Variants in LUC7L2 observed in about 807,000 individuals in gnomAD.
LUC7L2 encodes putative RNA-binding protein Luc7-like 2.
A neutral mutation model predicts 52.8 loss-of-function variants in LUC7L2; 25 were observed. That is an observed-to-expected ratio of 0.47 (90% CI 0.34 to 0.66). The LOEUF (loss-of-function observed/expected upper bound fraction) is 0.66. Ranked by LOEUF, LUC7L2 falls within the 30% of genes least tolerant of loss-of-function variation. LUC7L2 has a pLI of 0.01. For synonymous variants in LUC7L2, 144 were observed against 160.9 expected, an observed-to-expected ratio of 0.89 and a Z score of 0.80; for missense variants, 328 against 497.8, an observed-to-expected ratio of 0.66 and a Z score of 3.25.
intron 1 of LUC7L2, among the ~76,000 whole-genome samples, chr7:139,363,628 C>T (rs1351473522): frequency 6.6e-6 from 1 of 152,074 alleles, no homozygotes; most frequent in African/African-American, 2.4e-5. Context: ...GTTTATGATT[C>T]ATTACGTTTT....
chr7:139,410,375 A>G (rs570111984), intron 7 of LUC7L2, among the ~76,000 whole-genome samples: 1 of 152,146 alleles, frequency 6.6e-6, no homozygotes, highest in Admixed American at 6.5e-5. Context: ...TTTACATTGA[A>G]CTTTGGTTAG....
At chr7:139,390,067 C>G (rs910889089) in intron 2 of LUC7L2, among the ~76,000 whole-genome samples, 19 of 152,076 alleles carry the variant, frequency 1.2e-4, no homozygotes, top group Non-Finnish European at 2.1e-4. Flanking sequence ...GTGGGAAGAT[C>G]ACTTAAGCCT....
intron 1 of LUC7L2, chr7:139,341,671 C>T (rs1359580564): frequency 1.4e-6 from 2 of 1,386,434 alleles, no homozygotes; most frequent in Non-Finnish European, 1.9e-6. Context: ...CAACCCAGGC[C>T]CTAGGCTCCA....
At chr7:139,386,624 T>C (rs1794210947) in intron 2 of LUC7L2, among the ~76,000 whole-genome samples, 1 of 150,848 alleles carries the variant, frequency 6.6e-6, no homozygotes, top group Non-Finnish European at 1.5e-5. Context: ...GCCAGGATGG[T>C]CTCGATCTCC....
intron 1 of LUC7L2, among the ~76,000 whole-genome samples, chr7:139,366,418 G>A (rs1359354719): frequency 6.6e-6 from 1 of 152,096 alleles, no homozygotes; most frequent in African/African-American, 2.4e-5. Flanking sequence ...AATATACCTG[G>A]CTGTTCTGTT....
At chr7:139,349,387 TG>T (rs1475487072) in intron 1 of LUC7L2, among the ~76,000 whole-genome samples, 1 of 152,224 alleles carries the variant, frequency 6.6e-6, no homozygotes, top group Non-Finnish European at 1.5e-5. Flanking sequence ...ATAACCAACC[TG>T]TACCTCCTAT....
chr7:139,361,569 A>G (rs1799886845), intron 1 of LUC7L2, among the ~76,000 whole-genome samples: 1 of 152,270 alleles, frequency 6.6e-6, no homozygotes, highest in Admixed American at 6.5e-5. Context: ...TGTAGAATAT[A>G]TAGACAAATA....
chr7:139,382,010 G>A (rs775807408), intron 2 of LUC7L2, among the ~76,000 whole-genome samples: 2 of 149,528 alleles, frequency 1.3e-5, no homozygotes, highest in Non-Finnish European at 3.0e-5. Context: ...TCAGCCTCCC[G>A]AGCAGCTGGG....
At chr7:139,375,722 G>A (rs373249957) in intron 1 of LUC7L2, 8 of 611,356 alleles carry the variant, frequency 1.3e-5, no homozygotes, top group Middle Eastern at 7.9e-4. Flanking sequence ...TTAACCTCTC[G>A]GGGCCTCAGT....
chr7:139,390,927 CCTT>C (rs1227951712), intron 2 of LUC7L2, among the ~76,000 whole-genome samples: 2 of 152,212 alleles, frequency 1.3e-5, no homozygotes, highest in African/African-American at 2.4e-5. Context: ...ACATCACCCT[CCTT>C]CTCAGATCTA....
chr7:139,342,190 C>G (rs1799013858), intron 1 of LUC7L2, among the ~76,000 whole-genome samples: 1 of 118,648 alleles, frequency 8.4e-6, no homozygotes, highest in African/African-American at 6.4e-5. Context: ...CACATGTGTC[C>G]TGTCCTTAAG....
chr7:139,422,046 C>T (rs1342585369), intron 9 of LUC7L2, 117 bp from the exon 10 acceptor site: 2 of 1,424,318 alleles, frequency 1.4e-6, no homozygotes, highest in Non-Finnish European at 1.8e-6. Context: ...ACTCCTCTGT[C>T]ATGGGTATAT....
At chr7:139,340,507 C>T (rs565810660) in exon 1 of LUC7L2, 3 of 398,560 alleles carry the variant, frequency 7.5e-6, no homozygotes, top group African/African-American at 4.1e-5. Context: ...AGCATCGGTG[C>T]AGTTTCGAGG....
chr7:139,371,524 T>G (rs1800449439), intron 1 of LUC7L2: 1 of 1,530,734 alleles, frequency 6.5e-7, no homozygotes, highest in Non-Finnish European at 8.8e-7. Flanking sequence ...TGATTTGGTT[T>G]CTTGTTTGTA....
intron 4 of LUC7L2, among the ~76,000 whole-genome samples, chr7:139,404,925 G>T (rs1161433610): frequency 6.6e-6 from 1 of 152,240 alleles, no homozygotes; most frequent in Non-Finnish European, 1.5e-5. Flanking sequence ...AGATCTGATG[G>T]ATTCCTGAAC....
intron 8 of LUC7L2, among the ~76,000 whole-genome samples, chr7:139,413,629 T>G (rs1479180281): frequency 2.0e-5 from 3 of 152,082 alleles, no homozygotes; most frequent in Admixed American, 2.0e-4. Context: ...AACACAAAAA[T>G]TAGCCGGGTG....
intron 5 of LUC7L2, 130 bp downstream of exon 5, chr7:139,405,917 G>A (rs558942485): frequency 8.4e-6 from 11 of 1,315,102 alleles, no homozygotes; most frequent in African/African-American, 4.6e-5. Context: ...TTGAACAGTT[G>A]TTAAAGAGAA....
intron 2 of LUC7L2, among the ~76,000 whole-genome samples, chr7:139,392,976 A>C (rs990026234): frequency 6.6e-6 from 1 of 151,926 alleles, no homozygotes; most frequent in Non-Finnish European, 1.5e-5. Flanking sequence ...ATTAAAAAAA[A>C]AATTTTAAGA....
intron 2 of LUC7L2, chr7:139,392,531 C>A: frequency 7.3e-6 from 2 of 274,298 alleles, no homozygotes; most frequent in South Asian, 3.0e-5. Context: ...ATGGAGAAGA[C>A]AAAATGCAGA....
Sources: gnomAD v4.1 joint callset for allele counts (sites outside exome capture counted in the v4.1 genomes callset) on GRCh38, gnomAD v4.1.1 for gene constraint, MANE v1.5 for transcripts, NCBI Gene and HGNC (gene_info 2026-07-23, HGNC 2026-07-21) for gene names.